Variants in BSN observed in about 807,000 individuals in gnomAD.
BSN encodes the protein protein bassoon.
In BSN, 57 loss-of-function variants were observed where a neutral mutation model predicts 264.8. The observed-to-expected ratio is 0.22, with a 90% CI of 0.17 to 0.27. The LOEUF is 0.27. Ranked by LOEUF, BSN falls within the 10% of genes least tolerant of loss-of-function variation. The pLI is 1.00. For missense variants in BSN, 4,615 were observed against 5,232.5 expected (o/e 0.88, Z 3.64); for synonymous variants, 2,059 against 2,137.3 (o/e 0.96, Z 1.01).
chr3:49,665,980 CTGGCCCTGGCCT>C (rs1353718049), intron 11 of BSN, among the ~76,000 whole-genome samples: 1 of 152,254 alleles, frequency 6.6e-6, no homozygotes, highest in African/African-American at 2.4e-5. Context: ...GGCCCTGGCC[CTGGCCCTGGCCT>C]TGGCCCTGCC....
chr3:49,586,969 T>C (rs2051942164), intron 1 of BSN, among the ~76,000 whole-genome samples: 1 of 152,170 alleles, frequency 6.6e-6, no homozygotes, highest in Non-Finnish European at 1.5e-5. Flanking sequence ...TTGATAGGGA[T>C]TGCTTTTAAT....
At position 49,660,726 on chromosome 3, in the gene BSN, A is replaced by C; in HGVS notation, c.8881A>C (p.Lys2961Gln). Residue 2961 changes from lysine to glutamine, a missense_variant, in exon 6 of 12, where the codon AAG becomes CAG. Transcript: ENST00000296452. This position sits in a 1 kb window ranked among gnomAD's most constrained non-coding sequence, Gnocchi z 7.1. ...VEHESTKLRK[K>Q]QAELDEEEKE... ...GCATGAGTCCACCAAACTGCGCAAG[A>C]AGCAGGCAGAGCTGGATGAGGAGGA... The C allele has an allele frequency of 3.7e-6, 6 of 1,613,184 alleles. No homozygotes were observed. Among genetic ancestry groups the C allele is most frequent in the East Asian group, 2.2e-5 (1 of 44,884 alleles).
In BSN at chr3:49,585,324, T is replaced by C. The variant is rs2051926317; in HGVS notation, c.224+30498T>C. 6.6e-6 allele frequency among the ~76,000 whole-genome samples: 1 copy of C among 152,202 alleles called. No homozygotes were observed. The highest frequency in any genetic ancestry group is 2.4e-5 in the African/African-American group (1 of 41,452). On this transcript the variant is annotated intron_variant, in intron 1 of 11. Transcript: ENST00000296452. The surrounding 1 kb of genome is among the most constrained non-coding windows in gnomAD (Gnocchi z 4.7). The stretch of plus-strand genomic sequence containing the variant: ...CAGAAGCACCACTGTCCATCCGGAA[T>C]TAAATCCACATCCCAGTATCTTCTG...
intron 1 of BSN, among the ~76,000 whole-genome samples, chr3:49,608,869 C>T (rs1483662968): frequency 1.1e-4 from 16 of 151,446 alleles, no homozygotes; most frequent in South Asian, 2.1e-4. Context: ...TAGGTCAATA[C>T]GTCCTTAGCA....
rs747486005 is a variant in BSN at position 49,662,933 on chromosome 3, C to G, written c.10775C>G (p.Ser3592Cys). ...DWFDKPRDAR[S>C]DRFRHHGGHA... ...TTTGATAAGCCCCGGGATGCCCGCT[C>G]TGACCGGTTCAGGCACCACGGGGGC... The change falls in exon 7 of 12, where the codon TCT (serine) becomes TGT (cysteine). Residue 3592 changes from serine to cysteine, a missense_variant. Physicochemically the swap from Ser to Cys is moderately radical, Grantham distance 112. Coordinates refer to ENST00000296452, the MANE Select transcript of BSN (RefSeq NM_003458.4). 2 of 1,613,264 alleles carry G rather than the reference C, an allele frequency of 1.2e-6. No individual in the cohort carries two copies. The highest frequency in any genetic ancestry group is 1.7e-6 in the Non-Finnish European group (2 of 1,179,612).
At chr3:49,666,718 G>A (rs2052716027) in intron 11 of BSN, among the ~76,000 whole-genome samples, 2 of 152,086 alleles carry the variant, frequency 1.3e-5, no homozygotes, top group African/African-American at 4.8e-5. Context: ...CCAGGGACAG[G>A]GCAAAGGCCA....
chr3:49,630,727 G>T (rs1250133467), intron 2 of BSN, among the ~76,000 whole-genome samples: 2 of 152,130 alleles, frequency 1.3e-5, no homozygotes, highest in African/African-American at 4.8e-5. Flanking sequence ...ATATCTAAGG[G>T]CAAAGGAAAC....
In BSN at chr3:49,653,832, G is replaced by A; in HGVS notation, c.4276G>A (p.Ala1426Thr). The A allele has an allele frequency of 6.2e-7, 1 of 1,614,102 alleles. No homozygotes were observed. The highest frequency in any genetic ancestry group is 8.5e-7 in the Non-Finnish European group (1 of 1,180,012). The change falls in exon 5 of 12, where the codon GCA (alanine) becomes ACA (threonine). Residue 1426 changes from alanine to threonine, a missense_variant. By Grantham distance (58) the Ala-to-Thr change is moderately conservative. This residue lies in a region of BSN where 3,415 missense variants were observed against 3,866.4 expected (regional missense o/e 0.88). Transcript: ENST00000296452. The surrounding 1 kb of genome is among the most constrained non-coding windows in gnomAD (Gnocchi z 6.3). ...AHSYGHSPTT[A>T]NYGSQTEDLP... ...CAGCTATGGACACAGCCCAACCACT[G>A]CAAACTATGGGTCCCAAACTGAGGA...
At chr3:49,647,729 C>A (rs1022951431) in intron 3 of BSN, among the ~76,000 whole-genome samples, 1 of 152,086 alleles carries the variant, frequency 6.6e-6, no homozygotes, top group Non-Finnish European at 1.5e-5. Context: ...GGAATTGGGA[C>A]CCCAGCTGTC....
chr3:49,640,087 G>A (rs1295108045), intron 2 of BSN, among the ~76,000 whole-genome samples: 8 of 152,190 alleles, frequency 5.3e-5, no homozygotes, highest in Non-Finnish European at 5.9e-5. Flanking sequence ...GAGATGAGAC[G>A]GCACCTTCCC....
In BSN at chr3:49,663,112, C is replaced by T. The variant is rs570368797; in HGVS notation, c.10954C>T (p.Arg3652Trp). 8.1e-6 allele frequency: 13 copies of T among 1,611,336 alleles called. 1 individual carries two copies. The South Asian group carries it at 8.8e-5, about 11-fold the overall frequency. The part of the protein sequence containing the change: ...AKEHRHGDHG[R>W]HSGRHTGEEP... ...GGAACACCGGCACGGTGACCACGGGCGGCACTCAGGCCGCCACACTGGTGA... is the reference window on the plus strand; with the variant it reads ...GGAACACCGGCACGGTGACCACGGGTGGCACTCAGGCCGCCACACTGGTGA... The change falls in exon 7 of 12, where the codon CGG becomes TGG. Residue 3652 changes from arginine to tryptophan, a missense_variant. Arg to Trp is a moderately radical substitution (Grantham distance 101, BLOSUM62 -3). Coordinates refer to ENST00000296452, the MANE Select transcript of BSN (RefSeq NM_003458.4).
At chr3:49,590,377 T>G (rs1575430922) in intron 1 of BSN, among the ~76,000 whole-genome samples, 1 of 152,370 alleles carries the variant, frequency 6.6e-6, no homozygotes, top group East Asian at 1.9e-4. Context: ...CATTTTCATT[T>G]AATTAACATT....
chr3:49,589,208 G>T (rs927686997), intron 1 of BSN, among the ~76,000 whole-genome samples: 1 of 150,274 alleles, frequency 6.7e-6, no homozygotes, highest in African/African-American at 2.4e-5. Context: ...CACCGCGCCC[G>T]GCCGGGTGGA....
chr3:49,569,569 C>T (rs1029597622), intron 1 of BSN, among the ~76,000 whole-genome samples: 4 of 152,172 alleles, frequency 2.6e-5, no homozygotes, highest in African/African-American at 9.7e-5. Flanking sequence ...TTCCTGACCT[C>T]TGGGAGCTCT....
chr3:49,633,214 A>G (rs2052394521), intron 2 of BSN, among the ~76,000 whole-genome samples: 2 of 151,912 alleles, frequency 1.3e-5, no homozygotes, highest in African/African-American at 4.8e-5. Flanking sequence ...AGGCAGGAGA[A>G]TCGCTTGAAC....
rs373281408 is a variant in BSN, at chr3:49,663,185, G to A, written c.11027G>A (p.Arg3676His). 8.7e-5 allele frequency: 141 copies of A among 1,613,564 alleles called. No homozygotes were observed. Among genetic ancestry groups the A allele is most frequent in the Non-Finnish European group, 1.1e-4 (127 of 1,179,978 alleles). ...AAKPHARDLG[R>H]HEARPHSQPS... ...AAACCACACGCTCGGGACCTGGGTC[G>A]CCATGAGGCCCGGCCCCACTCTCAG... Residue 3676 changes from arginine to histidine, a missense_variant, in exon 7 of 12, where the codon CGC (arginine) becomes CAC (histidine). Coordinates refer to ENST00000296452, the MANE Select transcript of BSN (RefSeq NM_003458.4).
At position 49,651,865 on chromosome 3, in the gene BSN, C is replaced by T. The variant is rs1270193000; in HGVS notation, c.2309C>T (p.Ala770Val). Residue 770 changes from alanine (A) to valine (V), a missense_variant, in exon 5 of 12, where the codon GCC becomes GTC. Coordinates refer to ENST00000296452, the MANE Select transcript of BSN (RefSeq NM_003458.4). The surrounding 1 kb of genome is among the most constrained non-coding windows in gnomAD (Gnocchi z 5.4). ...CACTCCTTGTCCATCACGCCTGAGG[C>T]CTTTGACTCTGATGAGGAGCTGGAG... ...RPHSLSITPE[A>V]FDSDEELEDI... is the part of the protein sequence containing the mutation. The T allele has an allele frequency of 1.2e-6, 2 of 1,613,870 alleles. No individual in the cohort carries two copies. The highest frequency in any genetic ancestry group is 2.7e-5 in the African/African-American group (2 of 74,942).
intron 1 of BSN, among the ~76,000 whole-genome samples, chr3:49,607,130 C>T (rs1289987897): frequency 6.6e-6 from 1 of 152,124 alleles, no homozygotes; most frequent in Admixed American, 6.5e-5. Flanking sequence ...AGACACAGGC[C>T]ATACAGTTCT....
At chr3:49,633,554 T>C (rs1396128811) in intron 2 of BSN, among the ~76,000 whole-genome samples, 2 of 152,166 alleles carry the variant, frequency 1.3e-5, no homozygotes, top group African/African-American at 4.8e-5. Flanking sequence ...AATTACCATA[T>C]GATCCAACAA....
Sources: gnomAD v4.1 joint callset for allele counts (sites outside exome capture counted in the v4.1 genomes callset) on GRCh38, gnomAD v4.1.1 for gene constraint, gnomAD v4.1.1 regional missense constraint, Gnocchi (gnomAD v3.1) non-coding constraint, MANE v1.5 for transcripts, NCBI Gene and HGNC (gene_info 2026-07-23, HGNC 2026-07-21) for gene names.